LOC400499: variants seen among roughly 807,000 people sequenced by gnomAD.
the LOC400499 span, among the ~76,000 whole-genome samples, chr16:11,425,881 C>T: frequency 1.3e-4 from 20 of 152,050 alleles, no homozygotes; most frequent in East Asian, 2.7e-3. Context: ...CCAAACCTGA[C>T]GAAAGCTTTG....
chr16:11,502,598 C>T, the LOC400499 span, among the ~76,000 whole-genome samples: 1 of 151,888 alleles, frequency 6.6e-6, no homozygotes, highest in Non-Finnish European at 1.5e-5. Flanking sequence ...GCAATCTTTT[C>T]CTACATAATA....
the LOC400499 span, chr16:11,396,652 G>A: frequency 8.1e-7 from 1 of 1,231,728 alleles, no homozygotes; most frequent in Non-Finnish European, 1.0e-6. Flanking sequence ...GGCCCAGGGT[G>A]TGCTCCCCGA....
chr16:11,449,225 A>C, the LOC400499 span: 1 of 913,398 alleles, frequency 1.1e-6, no homozygotes, highest in Non-Finnish European at 1.5e-6. Flanking sequence ...AAACCCCTTC[A>C]ATGCCATTTC....
At chr16:11,450,408 T>G in the LOC400499 span, among the ~76,000 whole-genome samples, 1 of 152,252 alleles carries the variant, frequency 6.6e-6, no homozygotes, top group Non-Finnish European at 1.5e-5. Flanking sequence ...GTGGGAAATC[T>G]AGATTTTCTT....
chr16:11,399,921 G>A, the LOC400499 span: 9 of 397,870 alleles, frequency 2.3e-5, no homozygotes, highest in Admixed American at 8.8e-5. Flanking sequence ...GAGAGGCTAG[G>A]GAGGATGGAG....
chr16:11,451,879 T>A, the LOC400499 span, among the ~76,000 whole-genome samples: 1 of 151,806 alleles, frequency 6.6e-6, no homozygotes, highest in South Asian at 2.1e-4. Flanking sequence ...CATTGAAGAG[T>A]GGGCAGTCTG....
the LOC400499 span, chr16:11,414,252 C>G: frequency 2.5e-6 from 1 of 398,880 alleles, no homozygotes; most frequent in Non-Finnish European, 4.4e-6. Flanking sequence ...TCCTCCCCAC[C>G]CACCCTGCAC....
chr16:11,470,409 A>C, the LOC400499 span, among the ~76,000 whole-genome samples: 1 of 152,156 alleles, frequency 6.6e-6, no homozygotes, highest in African/African-American at 2.4e-5. Flanking sequence ...CTGAGGCTGC[A>C]ACTTCACCTG....
the LOC400499 span, chr16:11,487,129 G>A: frequency 9.6e-5 from 38 of 397,048 alleles, no homozygotes; most frequent in South Asian, 5.0e-3. Context: ...GCAGGTGGGT[G>A]ACTAGATATT....
chr16:11,398,666 AT>A, the LOC400499 span, among the ~76,000 whole-genome samples: 2,661 of 147,492 alleles, frequency 0.018, 79 homozygotes, highest in African/African-American at 0.061. Context: ...CTGCGGCAGG[AT>A]TTTTTTTTTT....
the LOC400499 span, among the ~76,000 whole-genome samples, chr16:11,438,041 G>C: frequency 1.1e-4 from 17 of 152,196 alleles, no homozygotes; most frequent in Admixed American, 9.8e-4. Context: ...CCATGATCTT[G>C]GGCAAGTCAC....
At chr16:11,396,465 C>CG in the LOC400499 span, 1 of 1,231,446 alleles carries the variant, frequency 8.1e-7, no homozygotes, top group Non-Finnish European at 1.0e-6. Context: ...GCAGGGATGC[C>CG]GGGATATCTT....
At chr16:11,399,791 G>C in the LOC400499 span, 1 of 398,886 alleles carries the variant, frequency 2.5e-6, no homozygotes, top group Non-Finnish European at 4.4e-6. Context: ...GTCGCAGGTT[G>C]TCCTCTGTTC....
chr16:11,471,847 G>C, the LOC400499 span: 2 of 399,148 alleles, frequency 5.0e-6, no homozygotes, highest in Non-Finnish European at 8.8e-6. Context: ...GGCAGCACTG[G>C]TCAGTGGAGA....
the LOC400499 span, among the ~76,000 whole-genome samples, chr16:11,501,765 T>C: frequency 6.6e-6 from 1 of 152,038 alleles, no homozygotes; most frequent in Non-Finnish European, 1.5e-5. Context: ...CCTAGGTGCA[T>C]TGGAATGCTA....
At chr16:11,500,942 G>A in the LOC400499 span, 1 of 398,962 alleles carries the variant, frequency 2.5e-6, no homozygotes. Flanking sequence ...CCGTCCCACA[G>A]GAAGGCAGGG....
the LOC400499 span, among the ~76,000 whole-genome samples, chr16:11,496,082 T>C: frequency 7.3e-6 from 1 of 137,688 alleles, no homozygotes; most frequent in East Asian, 2.0e-4. Flanking sequence ...TTTTTTTTTC[T>C]CGAGATGGAG....
chr16:11,415,665 G>C, the LOC400499 span, among the ~76,000 whole-genome samples: 3 of 152,328 alleles, frequency 2.0e-5, no homozygotes, highest in East Asian at 5.8e-4. Context: ...TACCAAGAAT[G>C]TTAACGACAG....
the LOC400499 span, among the ~76,000 whole-genome samples, chr16:11,525,579 A>G: frequency 3.9e-5 from 6 of 152,194 alleles, no homozygotes; most frequent in Admixed American, 3.3e-4. Context: ...GCACCAAATT[A>G]AACATATGTG....
Sources: allele counts gnomAD v4.1 joint callset (sites outside exome capture counted in the v4.1 genomes callset), GRCh38; gene constraint gnomAD v4.1.1; transcripts MANE v1.5.